The following PAICS variants were observed in gnomAD, a reference collection of about 807,000 sequenced individuals.
PAICS encodes bifunctional phosphoribosylaminoimidazole carboxylase/phosphoribosylaminoimidazole succinocarboxamide synthetase.
A neutral mutation model predicts 53.7 loss-of-function variants in PAICS; 33 were observed. The ratio of observed to expected loss-of-function variants is 0.61; its 90% CI spans 0.47 to 0.82. The LOEUF (loss-of-function observed/expected upper bound fraction) is 0.82, where lower values mean the gene tolerates loss of function less well. PAICS is among the 40% of genes least tolerant of loss of function. The probability of loss-of-function intolerance (pLI) is 0.00; values close to 1 mark genes in which losing one functional copy is unlikely to be tolerated. For synonymous variants in PAICS, 141 were observed against 167.2 expected (o/e 0.84, Z 1.21); for missense variants, 394 against 494.1 (o/e 0.80, Z 1.92).
chr4:56,449,110 A>T (rs1718769627), intron 5 of PAICS, among the ~76,000 whole-genome samples: 1 of 152,208 alleles, frequency 6.6e-6, no homozygotes, highest in Non-Finnish European at 1.5e-5. Flanking sequence ...TAAGGGTCTT[A>T]AGAGGATGGG....
chr4:56,445,814 CA>C (rs1465079956), intron 2 of PAICS, among the ~76,000 whole-genome samples: 6 of 152,248 alleles, frequency 3.9e-5, no homozygotes, highest in Admixed American at 6.5e-5. Context: ...AGCATTATCT[CA>C]AACCCATGTA....
chr4:56,410,850 G>T, the PAICS span: 1 of 970,564 alleles, frequency 1.0e-6, no homozygotes, highest in Non-Finnish European at 1.2e-6. Flanking sequence ...GCAAATGGCA[G>T]GTACCTGGAA....
chr4:56,449,208 A>AT (rs1718774318), intron 5 of PAICS, among the ~76,000 whole-genome samples: 2 of 152,192 alleles, frequency 1.3e-5, no homozygotes, highest in South Asian at 4.1e-4. Flanking sequence ...CTGCTCCTAT[A>AT]TAAAACAACA....
chr4:56,437,757 G>C (rs895943199), intron 1 of PAICS, among the ~76,000 whole-genome samples: 1 of 145,436 alleles, frequency 6.9e-6, no homozygotes, highest in African/African-American at 2.6e-5. Flanking sequence ...GGAGTCAGAG[G>C]CTGCAGTGAG....
chr4:56,453,592 C>G lies in PAICS; in HGVS notation c.953-11C>G. 5 of 1,562,882 alleles carry G rather than the reference C, an allele frequency of 3.2e-6. No homozygotes were observed. Among genetic ancestry groups the G allele is most frequent in the Non-Finnish European group, 4.4e-6 (5 of 1,146,544 alleles). ...ATGTTTAGCATAATTATACTCTTGT[C>G]ATTTCCCTAGGGGATGGCATTCCTA... On this transcript the variant is annotated splice_polypyrimidine_tract_variant and intron_variant, in intron 7 of 8. Transcript: ENST00000512576.
chr4:56,462,817 A>G lies in PAICS; in HGVS notation c.*3279A>G, dbSNP rs1173806803. 1 of 152,168 alleles carries G rather than the reference A, an allele frequency of 6.6e-6. No homozygotes were observed. The highest frequency in any genetic ancestry group is 2.4e-5 in the African/African-American group (1 of 41,420). The allele number at this position is 152,168 out of a possible 1,614,324, so 9.4% of individuals were successfully genotyped here. On this transcript the variant is annotated 3_prime_UTR_variant, in exon 9 of 9. Coordinates refer to ENST00000512576, the MANE Select transcript of PAICS (RefSeq NM_001079524.2). Reference sequence around the variant, plus strand: ...GGAGTTCGAGACCAGCCTGACCAACATGGAGAAACCCAGTCTCTAATAAAA... The same window carrying G: ...GGAGTTCGAGACCAGCCTGACCAACGTGGAGAAACCCAGTCTCTAATAAAA...
At chr4:56,458,060 G>T (rs17086776) in intron 8 of PAICS, among the ~76,000 whole-genome samples, 4,714 of 152,228 alleles carry the variant, frequency 0.031, 165 homozygotes, top group East Asian at 0.19. Context: ...CAGAGGAATT[G>T]TATAGATACC....
chr4:56,456,029 T>A (rs1719176627), intron 8 of PAICS, among the ~76,000 whole-genome samples: 1 of 152,080 alleles, frequency 6.6e-6, no homozygotes, highest in African/African-American at 2.4e-5. Flanking sequence ...ATTCTACTTG[T>A]TTGTCTTGTT....
chr4:56,458,181 G>C (rs569670334), intron 8 of PAICS, among the ~76,000 whole-genome samples: 2 of 152,196 alleles, frequency 1.3e-5, no homozygotes, highest in Admixed American at 1.3e-4. Flanking sequence ...ATGATCACTA[G>C]AATTGGGGAT....
chr4:56,433,590 T>G (rs1285747861), upstream of PAICS, among the ~76,000 whole-genome samples: 3 of 151,956 alleles, frequency 2.0e-5, no homozygotes, highest in South Asian at 4.2e-4. Context: ...GCAAAAAAAG[T>G]AAATATAGTG....
chr4:56,412,164 T>C, the PAICS span, among the ~76,000 whole-genome samples: 1 of 152,136 alleles, frequency 6.6e-6, no homozygotes, highest in South Asian at 2.1e-4. Context: ...CTTAAAGGGA[T>C]CTTCAGCGCT....
At position 56,450,794 on chromosome 4, in the gene PAICS, C is replaced by T. The variant is rs1578156098; in HGVS notation, c.771+92C>T. 8.8e-6 allele frequency: 6 copies of T among 682,426 alleles called. 1 individual carries two copies. The East Asian group carries it at 1.7e-4, about 19-fold the overall frequency. 42.3% of individuals were successfully genotyped at this position (682,426 alleles called of 1,614,324 possible). ...GAAAAAAAAATGGGAGAGTATAGTG[C>T]TTTTCTTTTCAGTGACTTTGTTTTT... On this transcript the variant is annotated intron_variant, in intron 6 of 8. Transcript: ENST00000512576.
intron 6 of PAICS, 102 bp from the exon 7 acceptor site, chr4:56,451,770 G>C: frequency 1.5e-6 from 1 of 656,058 alleles, no homozygotes. Context: ...GATCTGTTAA[G>C]AAAGAAAATA....
At chr4:56,421,740 C>A in the PAICS span, 2 of 152,194 alleles carry the variant, frequency 1.3e-5, no homozygotes, top group African/African-American at 4.8e-5. Flanking sequence ...ACATCTCCCC[C>A]AGTTAGATGA....
the PAICS span, among the ~76,000 whole-genome samples, chr4:56,417,835 G>GTTTT: frequency 3.9e-5 from 4 of 102,522 alleles, no homozygotes; most frequent in African/African-American, 1.4e-4. Context: ...TGAAGATTTG[G>GTTTT]TTTTTTGTTT....
chr4:56,438,604 T>C (rs1276615309), intron 1 of PAICS, among the ~76,000 whole-genome samples: 1 of 151,636 alleles, frequency 6.6e-6, no homozygotes, highest in Non-Finnish European at 1.5e-5. Context: ...CGGCTAATTT[T>C]TTTTTGTATT....
chr4:56,415,815 A>T, the PAICS span, among the ~76,000 whole-genome samples: 1 of 152,148 alleles, frequency 6.6e-6, no homozygotes, highest in African/African-American at 2.4e-5. Flanking sequence ...AGTGGCTCAC[A>T]CCTGTAATCC....
At chr4:56,431,669 G>A (rs558258394), upstream of PAICS, 70 of 211,718 alleles carry the variant, frequency 3.3e-4, 1 homozygote, top group South Asian at 0.011. Context: ...TCAAGGAAAG[G>A]CTAATTAGCT....
the PAICS span, among the ~76,000 whole-genome samples, chr4:56,427,303 C>T: frequency 1.3e-5 from 2 of 152,236 alleles, no homozygotes; most frequent in South Asian, 4.1e-4. Flanking sequence ...ACCTGCAGTA[C>T]TGTTTTTCCA....
Sources: allele counts gnomAD v4.1 joint callset (sites outside exome capture counted in the v4.1 genomes callset), GRCh38; gene constraint gnomAD v4.1.1; transcripts MANE v1.5; gene names NCBI Gene and HGNC (gene_info 2026-07-23, HGNC 2026-07-21).